The following CACNA2D1 variants were observed in gnomAD, a reference collection of about 807,000 sequenced individuals.
CACNA2D1 encodes calcium voltage-gated channel auxiliary subunit alpha2delta 1, also known as voltage-dependent calcium channel subunit alpha-2/delta-1.
Under a neutral mutation model 171.5 loss-of-function variants are expected in CACNA2D1, and 53 were observed. The observed-to-expected ratio is 0.31, with a 90% CI of 0.25 to 0.39. CACNA2D1 has a LOEUF of 0.39. Among genes scored for constraint, CACNA2D1 ranks in the 10% least tolerant of loss-of-function variants. The pLI is 1.00. For missense variants in CACNA2D1, 903 were observed against 1,299.8 expected, an observed-to-expected ratio of 0.69 and a Z score of 4.69; for synonymous variants, 442 against 443.1, an observed-to-expected ratio of 1.00 and a Z score of 0.03.
rs775067204 is a variant in CACNA2D1 at position 82,349,572 on chromosome 7, A to G, written c.173T>C (p.Val58Ala). 2.5e-6 allele frequency: 4 copies of G among 1,612,474 alleles called. No homozygotes were observed. In the East Asian group the frequency reaches 8.9e-5, roughly 36 times the overall value. The stretch of plus-strand genomic sequence containing the variant: ...TCTTTGGTGGATTTTACTCACATCA[A>G]CAAGCTGATTGACTCCACTTGCTGT... ...AKTASGVNQLVDIYEKYQDLY... is the reference protein window; with the variant it reads ...AKTASGVNQLADIYEKYQDLY... The change falls in exon 2 of 39, where the codon GTT becomes GCT. Residue 58 changes from valine to alanine, a missense_variant. Coordinates refer to ENST00000356860, the MANE Select transcript of CACNA2D1 (RefSeq NM_000722.4).
At chr7:82,062,807 C>T (rs1807117926) in intron 9 of CACNA2D1, among the ~76,000 whole-genome samples, 2 of 126,518 alleles carry the variant, frequency 1.6e-5, no homozygotes, top group African/African-American at 3.0e-5. Context: ...AGGGTATGAA[C>T]ACAACTCACT....
chr7:82,231,091 T>C (rs1802880252), intron 3 of CACNA2D1, among the ~76,000 whole-genome samples: 1 of 152,248 alleles, frequency 6.6e-6, no homozygotes, highest in African/African-American at 2.4e-5. Flanking sequence ...ATAAAATTCA[T>C]TAAATCAGAC....
intron 3 of CACNA2D1, among the ~76,000 whole-genome samples, chr7:82,188,464 C>T (rs183042997): frequency 9.4e-4 from 143 of 152,002 alleles, no homozygotes; most frequent in African/African-American, 3.1e-3. Context: ...CTAAATAAAT[C>T]GGTAATATAA....
At chr7:82,221,017 C>A (rs1801704248) in intron 3 of CACNA2D1, among the ~76,000 whole-genome samples, 1 of 152,176 alleles carries the variant, frequency 6.6e-6, no homozygotes, top group Non-Finnish European at 1.5e-5. Context: ...CTCGCATGAT[C>A]TGCCCACCTT....
chr7:82,418,162 T>A (rs892894577), intron 1 of CACNA2D1, among the ~76,000 whole-genome samples: 2 of 152,040 alleles, frequency 1.3e-5, no homozygotes, highest in Non-Finnish European at 2.9e-5. Context: ...GAGAGAGAAA[T>A]GAGTGCCCAG....
chr7:82,131,028 T>C (rs1790917194), intron 5 of CACNA2D1, among the ~76,000 whole-genome samples: 2 of 152,058 alleles, frequency 1.3e-5, no homozygotes, highest in East Asian at 3.9e-4. Flanking sequence ...GGTCTCGATC[T>C]CTTGACCTCG....
intron 3 of CACNA2D1, among the ~76,000 whole-genome samples, chr7:82,298,158 G>A (rs537658000): frequency 4.4e-4 from 67 of 152,232 alleles, no homozygotes; most frequent in Admixed American, 7.8e-4. Flanking sequence ...AAATGCTCCA[G>A]TAGCAAATAA....
Position 82,398,718 on chromosome 7 carries a change from C to T in CACNA2D1, c.95+44647G>A, listed in dbSNP as rs904696590. ...TCAGCCTCCCGAGTAGCTGGGACTACAGGCGTGCACCACCATGCTGGCTAT... is the reference window on the plus strand; with the variant it reads ...TCAGCCTCCCGAGTAGCTGGGACTATAGGCGTGCACCACCATGCTGGCTAT... On this transcript the variant is annotated intron_variant, in intron 1 of 38. Transcript: ENST00000356860. Among the ~76,000 whole-genome samples the T allele has an allele frequency of 2.0e-5, 3 of 151,862 alleles. No individual in the cohort carries two copies. The East Asian group carries it at 5.8e-4, about 30-fold the overall frequency.
chr7:82,398,768 G>A (rs886327676), intron 1 of CACNA2D1, among the ~76,000 whole-genome samples: 1 of 151,656 alleles, frequency 6.6e-6, no homozygotes, highest in Admixed American at 6.6e-5. Context: ...TGTAGAGATG[G>A]TGGTCTCAAC....
At chr7:82,141,139 T>C (rs1439909838) in intron 4 of CACNA2D1, among the ~76,000 whole-genome samples, 2 of 152,064 alleles carry the variant, frequency 1.3e-5, no homozygotes, top group Non-Finnish European at 2.9e-5. Flanking sequence ...TTTAGAAATA[T>C]ATATTAAGAT....
At chr7:82,351,278 T>C (rs143844980) in intron 1 of CACNA2D1, among the ~76,000 whole-genome samples, 3 of 151,484 alleles carry the variant, frequency 2.0e-5, no homozygotes, top group African/African-American at 4.8e-5. Context: ...ATGTAAGTAG[T>C]ATAAATATAT....
chr7:82,000,551 CT>C (rs1311483572), intron 18 of CACNA2D1, among the ~76,000 whole-genome samples: 1 of 151,922 alleles, frequency 6.6e-6, no homozygotes, highest in Non-Finnish European at 1.5e-5. Context: ...GCTTATCCAT[CT>C]CTTAATAACA....
intron 1 of CACNA2D1, among the ~76,000 whole-genome samples, chr7:82,399,263 A>C (rs954238708): frequency 6.6e-6 from 1 of 152,100 alleles, no homozygotes; most frequent in Non-Finnish European, 1.5e-5. Flanking sequence ...CACATGACAA[A>C]ACCCTGTCTC....
intron 23 of CACNA2D1, among the ~76,000 whole-genome samples, chr7:81,983,030 T>C (rs1004739660): frequency 3.3e-5 from 5 of 152,164 alleles, no homozygotes; most frequent in Admixed American, 1.3e-4. Flanking sequence ...TTAATGCCTT[T>C]AGTGAGTTAA....
At chr7:82,349,690 G>A (rs1322794875) in intron 1 of CACNA2D1, 41 bp from the exon 2 acceptor site, 9 of 1,436,898 alleles carry the variant, frequency 6.3e-6, no homozygotes, top group Non-Finnish European at 8.8e-6. Flanking sequence ...CAGATCTCTG[G>A]CAAATAAAAG....
At chr7:82,386,845 A>T (rs1376300024) in intron 1 of CACNA2D1, among the ~76,000 whole-genome samples, 2 of 151,788 alleles carry the variant, frequency 1.3e-5, no homozygotes, top group African/African-American at 4.8e-5. Context: ...ATACTGCCCT[A>T]CATCCATTTA....
chr7:82,213,805 C>T (rs1173084589), intron 3 of CACNA2D1, among the ~76,000 whole-genome samples: 1 of 152,118 alleles, frequency 6.6e-6, no homozygotes, highest in Non-Finnish European at 1.5e-5. Flanking sequence ...ATATCCTACA[C>T]TGTTCTGTGT....
intron 6 of CACNA2D1, among the ~76,000 whole-genome samples, chr7:82,087,030 G>A (rs1737654504): frequency 6.6e-6 from 1 of 152,184 alleles, no homozygotes; most frequent in African/African-American, 2.4e-5. Flanking sequence ...CTCTCAAAAT[G>A]TGTTCATCTA....
intron 1 of CACNA2D1, among the ~76,000 whole-genome samples, chr7:82,358,452 T>A (rs1026559073): frequency 2.6e-5 from 4 of 152,222 alleles, no homozygotes; most frequent in Non-Finnish European, 5.9e-5. Flanking sequence ...ATTCTCAATT[T>A]AAACCATTTT....
Sources: allele counts gnomAD v4.1 joint callset (sites outside exome capture counted in the v4.1 genomes callset), GRCh38; gene constraint gnomAD v4.1.1; transcripts MANE v1.5; gene names NCBI Gene and HGNC (gene_info 2026-07-23, HGNC 2026-07-21).